ARHGEF10: variants seen among roughly 807,000 people sequenced by gnomAD.
The protein encoded by ARHGEF10 is Rho guanine nucleotide exchange factor 10.
Under a neutral mutation model 147.4 loss-of-function variants are expected in ARHGEF10, and 140 were observed. That is an observed-to-expected ratio of 0.95 (90% CI 0.83 to 1.09). The LOEUF is 1.09. Among genes scored for constraint, ARHGEF10 ranks in the 50% least tolerant of loss-of-function variants. ARHGEF10 has a pLI of 0.00. For missense variants in ARHGEF10, 2,222 were observed against 1,752.7 expected (o/e 1.27, Z -4.78); for synonymous variants, 902 against 695.8 (o/e 1.30, Z -4.67).
At chr8:1,831,479 TCCG>T (rs1563146160) in intron 1 of ARHGEF10, among the ~76,000 whole-genome samples, 2 of 139,936 alleles carry the variant, frequency 1.4e-5, no homozygotes, top group Non-Finnish European at 3.1e-5. Flanking sequence ...CAGTGTGACA[TCCG>T]TGGAGGGACA....
At chr8:1,909,904 G>C (rs1162018189) in intron 18 of ARHGEF10, among the ~76,000 whole-genome samples, 1 of 152,182 alleles carries the variant, frequency 6.6e-6, no homozygotes, top group East Asian at 1.9e-4. Context: ...GGGCAGCGTT[G>C]TGATGTCTTT....
intron 28 of ARHGEF10, among the ~76,000 whole-genome samples, chr8:1,956,135 G>T (rs957751868): frequency 6.6e-6 from 1 of 152,250 alleles, no homozygotes; most frequent in Admixed American, 6.5e-5. Flanking sequence ...GATGCTTACA[G>T]AATCAGTGTG....
At chr8:1,832,860 AGG>A (rs199724555) in intron 1 of ARHGEF10, among the ~76,000 whole-genome samples, 2 of 117,262 alleles carry the variant, frequency 1.7e-5, no homozygotes, top group South Asian at 3.1e-4. Context: ...AGAGAGACAG[AGG>A]CAGAGGCAGA....
chr8:1,939,310 G>C (rs746122436), intron 26 of ARHGEF10, among the ~76,000 whole-genome samples: 14 of 152,254 alleles, frequency 9.2e-5, no homozygotes, highest in Admixed American at 1.3e-4. Flanking sequence ...CTGTCCTCCA[G>C]AAGAAACATA....
chr8:1,894,292 G>T, intron 12 of ARHGEF10, 101 bp from the exon 13 acceptor site: 1 of 1,253,414 alleles, frequency 8.0e-7, no homozygotes, highest in Admixed American at 1.9e-5. Context: ...TGAGGCTGCA[G>T]TGAGCCATGA....
intron 8 of ARHGEF10, among the ~76,000 whole-genome samples, chr8:1,878,400 T>G (rs982490040): frequency 2.0e-5 from 3 of 152,136 alleles, no homozygotes; most frequent in African/African-American, 7.2e-5. Context: ...TTGGCCAGGC[T>G]GGTCTCGAAC....
chr8:1,828,125 C>A (rs1802876180), intron 1 of ARHGEF10, among the ~76,000 whole-genome samples: 1 of 152,240 alleles, frequency 6.6e-6, no homozygotes. Flanking sequence ...TAGCTACAGA[C>A]AGCCGAGGCC....
chr8:1,882,742 C>A lies in ARHGEF10; in HGVS notation c.1068C>A (p.Ile356=). Residue 356 remains isoleucine (I), a synonymous_variant, in exon 10 of 29, where the codon ATC becomes ATA. Transcript: ENST00000349830. ...GRSFIRTKSL[I]AQDHRSSLEE... ...CCTTCATCAGGACCAAGTCTCTCAT[C>A]GCACAGGGTCCGTGCCTGCAGGTCT... 1 of 1,545,626 alleles carries A rather than the reference C, an allele frequency of 6.5e-7. No individual in the cohort carries two copies. The highest frequency in any genetic ancestry group is 1.4e-5 in the African/African-American group (1 of 72,098).
chr8:1,863,247 G>A (rs1034306607), intron 4 of ARHGEF10, among the ~76,000 whole-genome samples: 15 of 152,248 alleles, frequency 9.9e-5, no homozygotes, highest in South Asian at 2.1e-4. Context: ...GATTTGCAGC[G>A]CTACCCGCAG....
Position 1,925,304 on chromosome 8 carries a change from G to A in ARHGEF10, c.2510G>A (p.Trp837Ter). 6.2e-7 allele frequency: 1 copy of A among 1,614,178 alleles called. No individual in the cohort carries two copies. The highest frequency in any genetic ancestry group is 8.5e-7 in the Non-Finnish European group (1 of 1,180,032). Residue 837 changes from tryptophan to a stop codon, truncating the protein, a stop_gained, in exon 22 of 29, where the codon TGG becomes TAG. Coordinates refer to ENST00000349830, the MANE Select transcript of ARHGEF10 (RefSeq NM_014629.4). LOFTEE classifies it high-confidence loss of function. ...LALEEENHMG[W>*]FCVEDDGNHI... is the part of the protein sequence containing the mutation. ...GCAGAAGAGGAGAACCACATGGGCT[G>A]GTTCTGTGTGGAAGACGATGGGAAT...
rs79548709 is a variant in ARHGEF10, at chr8:1,893,650, C to G, written c.1260+4C>G. On this transcript the variant is annotated splice_donor_region_variant and intron_variant, in intron 12 of 28. Coordinates refer to ENST00000349830, the MANE Select transcript of ARHGEF10 (RefSeq NM_014629.4). Reference sequence around the variant, plus strand: ...TGCTCTTAAGAGGATTTTGGAGGTACTTAAGTGTCGTGTTACATAATACAT... The same window carrying G: ...TGCTCTTAAGAGGATTTTGGAGGTAGTTAAGTGTCGTGTTACATAATACAT... The G allele has an allele frequency of 6.2e-7, 1 of 1,602,256 alleles. No individual in the cohort carries two copies. The highest frequency in any genetic ancestry group is 1.7e-5 in the Admixed American group (1 of 59,998).
At position 1,958,621 on chromosome 8, in the gene ARHGEF10, G is replaced by C. The variant is rs1477360184; in HGVS notation, c.*1358G>C. On this transcript the variant is annotated 3_prime_UTR_variant, in exon 29 of 29. Transcript: ENST00000349830. The stretch of plus-strand genomic sequence containing the variant: ...GCTGCTGTCTGACTTCATCAATAAA[G>C]TATTTTTATTTTAAAATGCAGTAGG... 2 of 137,634 alleles carry C rather than the reference G, an allele frequency of 1.5e-5. No individual in the cohort carries two copies. The highest frequency in any genetic ancestry group is 5.3e-5 in the African/African-American group (2 of 37,396). 8.5% of individuals were successfully genotyped at this position (137,634 alleles called of 1,614,324 possible). A position where few individuals can be genotyped will look rare whatever the true frequency, so the allele number is the denominator to read the frequency against.
At chr8:1,836,194 A>C (rs1803570089) in intron 1 of ARHGEF10, among the ~76,000 whole-genome samples, 1 of 139,154 alleles carries the variant, frequency 7.2e-6, no homozygotes, top group Non-Finnish European at 1.6e-5. Flanking sequence ...AAAAAAAAAA[A>C]GAAAAAAAAA....
chr8:1,826,147 C>G lies in ARHGEF10; in HGVS notation c.-48+2034C>G, dbSNP rs1055833619. On this transcript the variant is annotated intron_variant, in intron 1 of 28. Transcript: ENST00000349830. ...AGGATTTCTCAGCAGTAAGAAAAGT[C>G]ATTTGTATAAGGTGCTATTTGTAAT... The G allele has an allele frequency of 3.8e-6, 6 of 1,590,476 alleles. No homozygotes were observed. The African/African-American group carries it at 5.3e-5, about 14-fold the overall frequency.
intron 3 of ARHGEF10, among the ~76,000 whole-genome samples, chr8:1,859,570 T>C (rs768618737): frequency 2.0e-5 from 3 of 152,248 alleles, no homozygotes; most frequent in African/African-American, 7.2e-5. Context: ...GCCTCTCAGC[T>C]TGCATGGTGT....
intron 17 of ARHGEF10, among the ~76,000 whole-genome samples, chr8:1,907,094 G>A (rs1158039676): frequency 3.3e-5 from 5 of 152,214 alleles, no homozygotes; most frequent in Admixed American, 2.0e-4. Context: ...GCCGTGGGAG[G>A]TCGCAGCTGG....
At chr8:1,893,677 C>T (rs770000169) in intron 12 of ARHGEF10, 31 bp downstream of exon 12, 1 of 1,412,448 alleles carries the variant, frequency 7.1e-7, no homozygotes, top group Non-Finnish European at 1.0e-6. Flanking sequence ...ATAATACATA[C>T]ATTTCTATTA....
Position 1,933,874 on chromosome 8 carries a change from G to C in ARHGEF10, c.3154G>C (p.Glu1052Gln), listed in dbSNP as rs368759195. 6.2e-7 allele frequency: 1 copy of C among 1,614,226 alleles called. No homozygotes were observed. The highest frequency in any genetic ancestry group is 1.3e-5 in the African/African-American group (1 of 75,058). The change falls in exon 26 of 29, where the codon GAA becomes CAA. Residue 1052 changes from glutamate (E) to glutamine (Q), a missense_variant. Transcript: ENST00000349830. Reference protein sequence around the residue: ...VLPVRSLLMMEDTLWAASGGQ... With the variant: ...VLPVRSLLMMQDTLWAASGGQ... ...ACCAGTTAGAAGTCTACTCATGATG[G>C]AAGACACGTTGTGGGCGGCTTCCGG...
chr8:1,837,286 G>A (rs1264244066), intron 1 of ARHGEF10, among the ~76,000 whole-genome samples: 1 of 152,214 alleles, frequency 6.6e-6, no homozygotes, highest in Non-Finnish European at 1.5e-5. Context: ...TCTCTGCACA[G>A]GGCTGCCCTG....
Sources: allele counts gnomAD v4.1 joint callset (sites outside exome capture counted in the v4.1 genomes callset), GRCh38; gene constraint gnomAD v4.1.1; transcripts MANE v1.5; gene names NCBI Gene and HGNC (gene_info 2026-07-23, HGNC 2026-07-21).